SLC39A5: variants seen among roughly 807,000 people sequenced by gnomAD.
The protein encoded by SLC39A5 is solute carrier family 39 member 5.
In SLC39A5, 42 loss-of-function variants were observed where a neutral mutation model predicts 46.9. The observed-to-expected ratio is 0.90, with a 90% CI of 0.70 to 1.16. The LOEUF (loss-of-function observed/expected upper bound fraction) is 1.16. SLC39A5 is among the 50% of genes most tolerant of loss of function. SLC39A5 has a pLI of 0.00. For missense variants in SLC39A5, 677 were observed against 686.8 expected (o/e 0.99, Z 0.16); for synonymous variants, 311 against 323.1 (o/e 0.96, Z 0.40).
chr12:56,231,314 T>C lies in SLC39A5; in HGVS notation c.40T>C (p.Cys14Arg), dbSNP rs759937222. 2.5e-6 allele frequency: 4 copies of C among 1,612,088 alleles called. No homozygotes were observed. Among genetic ancestry groups the C allele is most frequent in the East Asian group, 2.2e-5 (1 of 44,870 alleles). Residue 14 changes from cysteine to arginine, a missense_variant, in exon 4 of 13, where the codon TGT (cysteine) becomes CGT (arginine). Coordinates refer to ENST00000454355, the MANE Select transcript of SLC39A5 (RefSeq NM_173596.3). ...SPVSHLLAGF[C>R]VWVVLGWVGG... is the part of the protein sequence containing the mutation. ...AGTGAGTCATCTGCTGGCCGGCTTC[T>C]GTGTGTGGGTCGTCTTGGGCTGGGT...
At chr12:56,231,132 G>A in intron 3 of SLC39A5, 72 bp from the exon 4 acceptor site, 1 of 872,264 alleles carries the variant, frequency 1.1e-6, no homozygotes, top group Non-Finnish European at 1.7e-6. Context: ...GCAGGTGCAA[G>A]GAGCTCTGGC....
At chr12:56,232,161 C>CTTTTTTTTTTTTTTTTTTT (rs767220492) in intron 4 of SLC39A5, among the ~76,000 whole-genome samples, 2 of 117,248 alleles carry the variant, frequency 1.7e-5, no homozygotes, top group African/African-American at 3.2e-5. Flanking sequence ...CTTTTCTTTT[C>CTTTTTTTTTTTTTTTTTTT]TTTTTTTTTT....
chr12:56,231,537 C>G lies in SLC39A5; in HGVS notation c.263C>G (p.Pro88Arg). 1 of 1,569,284 alleles carries G rather than the reference C, an allele frequency of 6.4e-7. No individual in the cohort carries two copies. The highest frequency in any genetic ancestry group is 8.6e-7 in the Non-Finnish European group (1 of 1,156,310). Residue 88 changes from proline (P) to arginine (R), a missense_variant, in exon 4 of 13, where the codon CCA becomes CGA. Pro to Arg is a moderately radical substitution (Grantham distance 103). Transcript: ENST00000454355. The part of the protein sequence containing the change: ...HGPLTGRAAS[P>R]AADNSTHRPQ... ...CCTCTGACTGGACGGGCTGCATCCC[C>G]AGCTGCAGACAATTCCACACACAGG...
In SLC39A5 at chr12:56,237,765, CT is replaced by C. The variant is rs1170640808; in HGVS notation, c.*36del. ...GTGGAAAGGGGTCGGGTTGCCCTTC[CT>C]TCCCCCCAACCACAGGAATGGAGGC... is the stretch of plus-strand genomic sequence containing the variant. On this transcript the variant is annotated 3_prime_UTR_variant, in exon 13 of 13. Transcript: ENST00000454355. The C allele has an allele frequency of 6.6e-7, 1 of 1,507,654 alleles. No homozygotes were observed. The highest frequency in any genetic ancestry group is 1.4e-5 in the African/African-American group (1 of 71,078). 93.4% of individuals were successfully genotyped at this position (1,507,654 alleles called of 1,614,324 possible). A position where few individuals can be genotyped will look rare whatever the true frequency, so the allele number is the denominator to read the frequency against.
At chr12:56,232,368 T>G (rs988547543) in intron 4 of SLC39A5, among the ~76,000 whole-genome samples, 82 of 151,494 alleles carry the variant, frequency 5.4e-4, no homozygotes, top group Admixed American at 8.6e-4. Flanking sequence ...GTTTCACCAT[T>G]TTGGTCAGGC....
At position 56,236,704 on chromosome 12, in the gene SLC39A5, C is replaced by T; in HGVS notation, c.1165C>T (p.Leu389=). ...GGTDITWMVL[L]GDGLHNLTDG... is the part of the protein sequence containing the mutation. The stretch of plus-strand genomic sequence containing the variant: ...CACTGATATCACGTGGATGGTCCTC[C>T]TGGGAGATGGTCTACACAACCTCAC... Residue 389 remains leucine, a synonymous_variant, in exon 10 of 13, where the codon CTG becomes TTG. Transcript: ENST00000454355. 2 of 1,611,890 alleles carry T rather than the reference C, an allele frequency of 1.2e-6. No individual in the cohort carries two copies. Among genetic ancestry groups the T allele is most frequent in the Non-Finnish European group, 1.7e-6 (2 of 1,178,614 alleles).
rs1406613939 is a variant in SLC39A5 at position 56,237,656 on chromosome 12, G to A, written c.1548G>A (p.Leu516=). The change falls in exon 13 of 13, where the codon CTG becomes CTA. Residue 516 remains leucine (L), a synonymous_variant. Coordinates refer to ENST00000454355, the MANE Select transcript of SLC39A5 (RefSeq NM_173596.3). The part of the protein sequence containing the change: ...TPHVLLQGLG[L]LLGGGLMLAI... ...ATGTGCTCCTGCAGGGGCTGGGGCT[G>A]CTGCTGGGGGGCGGCCTCATGCTTG... The A allele has an allele frequency of 1.9e-6, 3 of 1,610,122 alleles. No individual in the cohort carries two copies. Among genetic ancestry groups the A allele is most frequent in the East Asian group, 4.5e-5 (2 of 44,774 alleles).
chr12:56,233,952 G>A (rs1450449503), intron 5 of SLC39A5, among the ~76,000 whole-genome samples: 3 of 152,040 alleles, frequency 2.0e-5, no homozygotes, highest in Non-Finnish European at 4.4e-5. Context: ...GAGTTTGCAG[G>A]GAAGATGATG....
At chr12:56,233,286 A>T (rs1361791462) in intron 5 of SLC39A5, among the ~76,000 whole-genome samples, 3 of 146,580 alleles carry the variant, frequency 2.0e-5, no homozygotes, top group Non-Finnish European at 4.5e-5. Context: ...AAAAAAAAAA[A>T]AAAAAAAAAA....
chr12:56,231,279 T>G lies in SLC39A5; in HGVS notation c.5T>G (p.Met2Arg), dbSNP rs1326457241. ...CCTAAGCTATTCCCCTCACCAATGA[T>G]GGGGTCCCCAGTGAGTCATCTGCTG... M[M>R]GSPVSHLLAG... The change falls in exon 4 of 13, where the codon ATG (methionine) becomes AGG (arginine). Residue 2 changes from methionine to arginine, a missense_variant. Physicochemically the swap from Met to Arg is moderately conservative, Grantham distance 91. Transcript: ENST00000454355. The G allele has an allele frequency of 2.5e-6, 4 of 1,602,328 alleles. No homozygotes were observed. Among genetic ancestry groups the G allele is most frequent in the South Asian group, 2.2e-5 (2 of 89,946 alleles).
At chr12:56,235,914 G>A (rs370248181) in intron 8 of SLC39A5, 661 of 569,698 alleles carry the variant, frequency 1.2e-3, no homozygotes, top group Non-Finnish European at 1.6e-3. Context: ...GTGGTGGTGC[G>A]TGTCTGTAAT....
At position 56,236,827 on chromosome 12, in the gene SLC39A5, C is replaced by T. The variant is rs971618004; in HGVS notation, c.1207+81C>T. ...TTATCAGCTGGGGCTAGGAGAGGGC[C>T]GTCAGGAAGATGGGGAGAGGACGGG... On this transcript the variant is annotated intron_variant, in intron 10 of 12. Coordinates refer to ENST00000454355, the MANE Select transcript of SLC39A5 (RefSeq NM_173596.3). 25 of 1,582,010 alleles carry T rather than the reference C, an allele frequency of 1.6e-5. No homozygotes were observed. The Admixed American group carries it at 2.3e-4, about 14-fold the overall frequency.
At position 56,235,323 on chromosome 12, in the gene SLC39A5, G is replaced by C; in HGVS notation, c.801G>C (p.Pro267=). The change falls in exon 7 of 13, where the codon CCG becomes CCC. Residue 267 remains proline (P), a synonymous_variant. Coordinates refer to ENST00000454355, the MANE Select transcript of SLC39A5 (RefSeq NM_173596.3). ...LCGDALLHLL[P]HAQEGRHAGP... is the part of the protein sequence containing the mutation. Reference sequence around the variant, plus strand: ...GGGATGCACTGCTACATCTGCTACCGCATGTATGTGAAGCCCCTTCCTTGT... The same window carrying C: ...GGGATGCACTGCTACATCTGCTACCCCATGTATGTGAAGCCCCTTCCTTGT... 6.6e-7 allele frequency: 1 copy of C among 1,517,358 alleles called. No individual in the cohort carries two copies. The highest frequency in any genetic ancestry group is 1.3e-5 in the South Asian group (1 of 76,276). 94.0% of individuals were successfully genotyped at this position (1,517,358 alleles called of 1,614,324 possible).
At chr12:56,237,549 G>C (rs201955617) in intron 12 of SLC39A5, 39 bp from the exon 13 acceptor site, 1 of 1,612,770 alleles carries the variant, frequency 6.2e-7, no homozygotes, top group East Asian at 2.2e-5. Flanking sequence ...GAGAGGTCAG[G>C]GGCAAGGCCA....
intron 4 of SLC39A5, among the ~76,000 whole-genome samples, chr12:56,231,930 G>A (rs889939034): frequency 6.6e-6 from 1 of 151,718 alleles, no homozygotes. Flanking sequence ...GTTTCGCTGT[G>A]TTGCCCAGGC....
At chr12:56,231,597 C>T (rs1450386448) in intron 4 of SLC39A5, 36 bp downstream of exon 4, 20 of 1,501,966 alleles carry the variant, frequency 1.3e-5, no homozygotes, top group Non-Finnish European at 1.5e-5. Context: ...AGGGCCACAT[C>T]TCCCAGGTCC....
rs773528680 is a variant in SLC39A5, at chr12:56,236,419, G to GA, written c.971dup (p.Asn324LysfsTer59). 6.2e-7 allele frequency: 1 copy of GA among 1,614,242 alleles called. No homozygotes were observed. Among genetic ancestry groups the GA allele is most frequent in the East Asian group, 2.2e-5 (1 of 44,882 alleles). On this transcript the variant is annotated frameshift_variant, in exon 9 of 13. Coordinates refer to ENST00000454355, the MANE Select transcript of SLC39A5 (RefSeq NM_173596.3). LOFTEE classifies it high-confidence loss of function. ...AGAGATGCTGCAGGCGAAAACGAAG[G>GA]AATCTCGAAACACGCAACTTGGATC...
At position 56,235,709 on chromosome 12, in the gene SLC39A5, T is replaced by G; in HGVS notation, c.945+9T>G. Reference sequence around the variant, plus strand: ...ACCGAGGGCTCAGGCCAGTGAGTGATACCCTTTTCTCCTCCTTCTGCTGAG... The same window carrying G: ...ACCGAGGGCTCAGGCCAGTGAGTGAGACCCTTTTCTCCTCCTTCTGCTGAG... On this transcript the variant is annotated intron_variant, in intron 8 of 12. Coordinates refer to ENST00000454355, the MANE Select transcript of SLC39A5 (RefSeq NM_173596.3). 1.9e-6 allele frequency: 3 copies of G among 1,613,738 alleles called. No individual in the cohort carries two copies. The highest frequency in any genetic ancestry group is 2.5e-6 in the Non-Finnish European group (3 of 1,179,976).
chr12:56,236,088 TGAG>T (rs1360878215), intron 8 of SLC39A5, among the ~76,000 whole-genome samples: 1 of 152,294 alleles, frequency 6.6e-6, no homozygotes, highest in Admixed American at 6.5e-5. Context: ...AGCCAAGAGA[TGAG>T]GAGCAGTGTG....
Sources: gnomAD v4.1 joint callset for allele counts (sites outside exome capture counted in the v4.1 genomes callset) on GRCh38, gnomAD v4.1.1 for gene constraint, MANE v1.5 for transcripts, NCBI Gene and HGNC (gene_info 2026-07-23, HGNC 2026-07-21) for gene names.